NRG3: variants seen among roughly 807,000 people sequenced by gnomAD.
NRG3 encodes pro-neuregulin-3, membrane-bound isoform.
A neutral mutation model predicts 66.9 loss-of-function variants in NRG3; 31 were observed. The ratio of observed to expected loss-of-function variants is 0.46; its 90% CI spans 0.35 to 0.63. NRG3 has a LOEUF of 0.63. Ranked by LOEUF, NRG3 falls within the 20% of genes least tolerant of loss-of-function variation. The pLI is 0.00. For missense variants in NRG3, 910 were observed against 878.9 expected (o/e 1.04, Z -0.45); for synonymous variants, 393 against 359.4 (o/e 1.09, Z -1.06).
intron 3 of NRG3, among the ~76,000 whole-genome samples, chr10:82,839,982 C>T (rs1260070060): frequency 6.6e-6 from 1 of 151,962 alleles, no homozygotes; most frequent in African/African-American, 2.4e-5. Flanking sequence ...CTTATGCTAC[C>T]TTCCTTCTTC....
chr10:81,981,470 G>A (rs1415399577), intron 1 of NRG3, among the ~76,000 whole-genome samples: 2 of 152,234 alleles, frequency 1.3e-5, no homozygotes, highest in Non-Finnish European at 2.9e-5. Flanking sequence ...TGGTGGCTCT[G>A]CTTTGTGGGT....
In NRG3 at chr10:82,863,545, G is replaced by A. The variant is rs577756020; in HGVS notation, c.1028-1866G>A. On this transcript the variant is annotated intron_variant, in intron 3 of 8. Coordinates refer to ENST00000372141, the MANE Select transcript of NRG3 (RefSeq NM_001010848.4). ...TGTCGTTTCTTGACTTTTAATGATCGCCATCCTAACTGGCGTGAGATGGTA... is the reference window on the plus strand; with the variant it reads ...TGTCGTTTCTTGACTTTTAATGATCACCATCCTAACTGGCGTGAGATGGTA... 2.4e-3 allele frequency among the ~76,000 whole-genome samples: 364 copies of A among 152,176 alleles called. 1 individual carries two copies. Among genetic ancestry groups the A allele is most frequent in the South Asian group, 5.0e-3 (24 of 4,814 alleles).
intron 2 of NRG3, among the ~76,000 whole-genome samples, chr10:82,618,119 G>A (rs1002203116): frequency 2.0e-5 from 3 of 152,148 alleles, no homozygotes; most frequent in Admixed American, 6.5e-5. Context: ...TAGCATTATT[G>A]TGATTAATTT....
At chr10:82,310,700 C>T (rs1302321083) in intron 1 of NRG3, among the ~76,000 whole-genome samples, 3 of 151,916 alleles carry the variant, frequency 2.0e-5, no homozygotes, top group Admixed American at 2.0e-4. Flanking sequence ...CCAGGGAGGG[C>T]GACTACATTT....
At chr10:82,881,077 G>A (rs1412919238) in intron 4 of NRG3, among the ~76,000 whole-genome samples, 1 of 152,142 alleles carries the variant, frequency 6.6e-6, no homozygotes, top group Non-Finnish European at 1.5e-5. Flanking sequence ...GTTACACGAT[G>A]AGAATTATGC....
chr10:81,971,084 G>A (rs1057096124), intron 1 of NRG3, among the ~76,000 whole-genome samples: 2 of 152,156 alleles, frequency 1.3e-5, no homozygotes, highest in African/African-American at 4.8e-5. Flanking sequence ...AGGTTGCAGT[G>A]AGCTGAGATT....
chr10:82,240,974 G>A (rs929530876), intron 1 of NRG3, among the ~76,000 whole-genome samples: 2 of 152,028 alleles, frequency 1.3e-5, no homozygotes, highest in Non-Finnish European at 2.9e-5. Flanking sequence ...ATCAAATGCT[G>A]TGGAGACAAA....
chr10:82,491,023 G>A (rs944374128), intron 2 of NRG3, among the ~76,000 whole-genome samples: 8 of 151,740 alleles, frequency 5.3e-5, no homozygotes, highest in African/African-American at 1.5e-4. Context: ...AGAAACAGTT[G>A]AAACATTTAC....
intron 2 of NRG3, among the ~76,000 whole-genome samples, chr10:82,432,167 G>A (rs372300505): frequency 5.9e-5 from 9 of 152,216 alleles, no homozygotes; most frequent in Non-Finnish European, 8.8e-5. Context: ...TTACTGTTAT[G>A]CATATGTGCA....
At chr10:82,665,159 T>C (rs1446728685) in intron 2 of NRG3, among the ~76,000 whole-genome samples, 1 of 152,184 alleles carries the variant, frequency 6.6e-6, no homozygotes, top group Admixed American at 6.5e-5. Flanking sequence ...TTGCACCTTG[T>C]TGACCTTCTT....
intron 6 of NRG3, among the ~76,000 whole-genome samples, chr10:82,961,743 G>A (rs1002469065): frequency 1.1e-4 from 16 of 152,192 alleles, no homozygotes; most frequent in African/African-American, 3.9e-4. Flanking sequence ...TGGTAAAGAA[G>A]TTCACAGTCC....
At chr10:82,370,737 A>G (rs2135731894) in intron 2 of NRG3, among the ~76,000 whole-genome samples, 1 of 152,240 alleles carries the variant, frequency 6.6e-6, no homozygotes, top group Admixed American at 6.5e-5. Context: ...TTACCTATGT[A>G]CCTACGTATT....
intron 6 of NRG3, among the ~76,000 whole-genome samples, chr10:82,959,943 C>A (rs994114192): frequency 6.6e-6 from 1 of 152,174 alleles, no homozygotes; most frequent in African/African-American, 2.4e-5. Context: ...TTTGACCCCA[C>A]ACAGCATCCG....
intron 2 of NRG3, among the ~76,000 whole-genome samples, chr10:82,373,844 A>T: frequency 6.6e-6 from 1 of 152,186 alleles, no homozygotes; most frequent in African/African-American, 2.4e-5. Context: ...GGGTTAGCAT[A>T]TGTGAAAGAA....
chr10:82,219,747 A>G (rs1359147880), intron 1 of NRG3, among the ~76,000 whole-genome samples: 1 of 152,116 alleles, frequency 6.6e-6, no homozygotes, highest in Non-Finnish European at 1.5e-5. Flanking sequence ...TAGATTCTCA[A>G]TAGTCTTATT....
intron 2 of NRG3, among the ~76,000 whole-genome samples, chr10:82,444,009 TAAATG>T (rs1289220976): frequency 1.3e-5 from 2 of 152,232 alleles, no homozygotes; most frequent in Admixed American, 6.5e-5. Flanking sequence ...TCCCAGCTAA[TAAATG>T]AAAGAAGAAA....
chr10:82,249,772 C>A (rs1421407779), intron 1 of NRG3, among the ~76,000 whole-genome samples: 1 of 152,188 alleles, frequency 6.6e-6, no homozygotes, highest in Non-Finnish European at 1.5e-5. Context: ...ACACTACTGG[C>A]TTTTGCAATA....
intron 1 of NRG3, among the ~76,000 whole-genome samples, chr10:82,353,283 G>T (rs536323705): frequency 5.3e-5 from 8 of 152,268 alleles, no homozygotes; most frequent in African/African-American, 1.9e-4. Flanking sequence ...AGAAACCTCC[G>T]TAAGTAATAT....
intron 1 of NRG3, among the ~76,000 whole-genome samples, chr10:82,134,931 C>T (rs147718502): frequency 0.022 from 3,295 of 151,634 alleles, 77 homozygotes; most frequent in Non-Finnish European, 0.037. Context: ...AAGACCAGCC[C>T]AGCCAACATG....
Sources: allele counts gnomAD v4.1 joint callset (sites outside exome capture counted in the v4.1 genomes callset), GRCh38; gene constraint gnomAD v4.1.1; transcripts MANE v1.5; gene names NCBI Gene and HGNC (gene_info 2026-07-23, HGNC 2026-07-21).